Variants in RAD51B observed in about 807,000 individuals in gnomAD.
RAD51B encodes the protein RAD51 paralog B.
In RAD51B, 38 loss-of-function variants were observed where a neutral mutation model predicts 42.2. The observed-to-expected ratio is 0.90, with a 90% CI of 0.70 to 1.18. The LOEUF is 1.18. Ranked by LOEUF, RAD51B falls within the 50% of genes most tolerant of loss-of-function variation. The pLI is 0.00. For synonymous variants in RAD51B, 154 were observed against 145.2 expected, an observed-to-expected ratio of 1.06 and a Z score of -0.43; for missense variants, 373 against 400.7, an observed-to-expected ratio of 0.93 and a Z score of 0.59.
chr14:68,148,932 T>C (rs2078314047), intron 7 of RAD51B, among the ~76,000 whole-genome samples: 1 of 152,232 alleles, frequency 6.6e-6, no homozygotes, highest in Non-Finnish European at 1.5e-5. Flanking sequence ...GAGTTTTCAA[T>C]TTACAAAGAA....
At chr14:67,935,656 T>C (rs931175105) in intron 7 of RAD51B, among the ~76,000 whole-genome samples, 2 of 152,222 alleles carry the variant, frequency 1.3e-5, no homozygotes, top group Non-Finnish European at 2.9e-5. Context: ...TGTGAGCCAC[T>C]GCCCCTGGCC....
At chr14:68,354,043 T>A (rs1022775633) in intron 8 of RAD51B, among the ~76,000 whole-genome samples, 5 of 152,176 alleles carry the variant, frequency 3.3e-5, no homozygotes, top group African/African-American at 1.2e-4. Flanking sequence ...TTTAGAACTG[T>A]TGACGATAGC....
intron 10 of RAD51B, among the ~76,000 whole-genome samples, chr14:68,647,091 C>G (rs1892577165): frequency 1.3e-5 from 2 of 152,188 alleles, no homozygotes; most frequent in African/African-American, 2.4e-5. Flanking sequence ...TTTCTTCCAG[C>G]ATTAAAATTC....
At chr14:68,181,856 C>T (rs910294902) in intron 7 of RAD51B, among the ~76,000 whole-genome samples, 1 of 152,176 alleles carries the variant, frequency 6.6e-6, no homozygotes, top group African/African-American at 2.4e-5. Flanking sequence ...CGGTGAGTCA[C>T]TGGAAAAACT....
chr14:67,831,693 T>C (rs1436072960), intron 3 of RAD51B, among the ~76,000 whole-genome samples: 1 of 147,786 alleles, frequency 6.8e-6, no homozygotes, highest in African/African-American at 2.5e-5. Context: ...TGTGCTACCA[T>C]GCCCAGCTAA....
chr14:67,950,480 T>G (rs748582247), intron 7 of RAD51B, among the ~76,000 whole-genome samples: 7 of 152,258 alleles, frequency 4.6e-5, no homozygotes, highest in Non-Finnish European at 8.8e-5. Flanking sequence ...TGCTCTGGAT[T>G]AGGCTTTGGC....
chr14:68,437,061 G>A (rs2085164331), intron 9 of RAD51B, among the ~76,000 whole-genome samples: 2 of 152,140 alleles, frequency 1.3e-5, no homozygotes, highest in Non-Finnish European at 2.9e-5. Context: ...ATGTTGAATA[G>A]GAGTGGTGAG....
At chr14:68,266,685 A>G (rs1240185622) in intron 7 of RAD51B, among the ~76,000 whole-genome samples, 1 of 152,208 alleles carries the variant, frequency 6.6e-6, no homozygotes, top group East Asian at 1.9e-4. Flanking sequence ...GGAATGAGGT[A>G]CAAATCAATA....
At chr14:68,338,663 T>C (rs1595725890) in intron 8 of RAD51B, 1 of 292,562 alleles carries the variant, frequency 3.4e-6, no homozygotes, top group East Asian at 9.1e-5. Flanking sequence ...ATTTTTTTTC[T>C]TTTTTGAAGG....
chr14:68,586,119 T>G (rs1356403417), intron 10 of RAD51B, among the ~76,000 whole-genome samples: 1 of 151,598 alleles, frequency 6.6e-6, no homozygotes, highest in Non-Finnish European at 1.5e-5. Flanking sequence ...TAAAGGCGGG[T>G]GAAAAACTGC....
At chr14:68,161,165 C>T (rs1474843634) in intron 7 of RAD51B, among the ~76,000 whole-genome samples, 1 of 152,172 alleles carries the variant, frequency 6.6e-6, no homozygotes, top group African/African-American at 2.4e-5. Context: ...AACCAACTCA[C>T]ACTGACTTAA....
At chr14:67,878,724 A>G (rs2140032188) in intron 5 of RAD51B, among the ~76,000 whole-genome samples, 1 of 152,174 alleles carries the variant, frequency 6.6e-6, no homozygotes, top group Middle Eastern at 3.4e-3. Flanking sequence ...TGTTTTTGAG[A>G]TGGAGTCTCA....
At chr14:68,325,819 C>A (rs920656038) in intron 8 of RAD51B, among the ~76,000 whole-genome samples, 2 of 152,006 alleles carry the variant, frequency 1.3e-5, no homozygotes, top group African/African-American at 4.8e-5. Flanking sequence ...ACTGTCACCA[C>A]CCATAGCACT....
intron 5 of RAD51B, among the ~76,000 whole-genome samples, chr14:67,869,891 A>C (rs2042463686): frequency 6.6e-6 from 1 of 152,090 alleles, no homozygotes; most frequent in Non-Finnish European, 1.5e-5. Context: ...ATGCTGAGAG[A>C]TTTTGTCACC....
chr14:68,574,411 C>A (rs1398670941), intron 10 of RAD51B, among the ~76,000 whole-genome samples: 1 of 152,230 alleles, frequency 6.6e-6, no homozygotes, highest in East Asian at 1.9e-4. Flanking sequence ...TCACTATCAG[C>A]ACCACAGAAC....
At chr14:67,880,907 G>T (rs1018033499) in intron 5 of RAD51B, among the ~76,000 whole-genome samples, 1 of 152,048 alleles carries the variant, frequency 6.6e-6, no homozygotes, top group African/African-American at 2.4e-5. Flanking sequence ...GTCATGCTTC[G>T]CTTAACAATT....
chr14:67,849,921 TG>T lies in RAD51B; in HGVS notation c.315+14727del, dbSNP rs1406904176. On this transcript the variant is annotated intron_variant, in intron 4 of 10. Transcript: ENST00000471583. ...TTCCTAGAGAGCTACTGTGATTCTT[TG>T]GTGGTGTTACAAAAATTGGATTTTT... 2.6e-4 allele frequency among the ~76,000 whole-genome samples: 40 copies of T among 152,336 alleles called. No homozygotes were observed. The South Asian group carries it at 4.1e-3, about 16-fold the overall frequency.
intron 10 of RAD51B, among the ~76,000 whole-genome samples, chr14:68,546,670 A>G (rs1888251992): frequency 6.6e-6 from 1 of 152,142 alleles, no homozygotes; most frequent in South Asian, 2.1e-4. Context: ...AGAAGCCCCA[A>G]AACTGGAGGA....
intron 10 of RAD51B, among the ~76,000 whole-genome samples, chr14:68,621,148 G>A (rs756375238): frequency 6.6e-6 from 1 of 152,056 alleles, no homozygotes; most frequent in Non-Finnish European, 1.5e-5. Context: ...GGAATACCAC[G>A]CTTATTGTTT....
Sources: allele counts gnomAD v4.1 joint callset (sites outside exome capture counted in the v4.1 genomes callset), GRCh38; gene constraint gnomAD v4.1.1; transcripts MANE v1.5; gene names NCBI Gene and HGNC (gene_info 2026-07-23, HGNC 2026-07-21).